CLEC2B: variants seen among roughly 807,000 people sequenced by gnomAD.
CLEC2B encodes the protein C-type lectin domain family 2 member B, also known as C-type (calcium dependent, carbohydrate-recognition domain) lectin, superfamily member 2 (activation-induced).
CLEC2B carries 14 observed loss-of-function variants against 16.2 expected under a neutral mutation model. That is an observed-to-expected ratio of 0.86 (90% CI 0.57 to 1.35). The LOEUF is 1.35. CLEC2B is among the 40% of genes most tolerant of loss of function. CLEC2B has a pLI of 0.00. For synonymous variants in CLEC2B, 42 were observed against 55.8 expected (o/e 0.75, Z 1.10); for missense variants, 166 against 182.3 (o/e 0.91, Z 0.52).
Position 9,853,146 on chromosome 12 carries a change from A to G in CLEC2B, c.*154T>C. On this transcript the variant is annotated 3_prime_UTR_variant, in exon 5 of 5. Transcript: ENST00000228438. ...AGAATACCTGTAACCATTTTTTGCC[A>G]ATCTTTGAAGTGGCTTTTATGTGTA... 1.8e-6 allele frequency: 1 copy of G among 570,656 alleles called. No homozygotes were observed. The highest frequency in any genetic ancestry group is 3.1e-6 in the Non-Finnish European group (1 of 324,046). The allele number at this position is 570,656 out of a possible 1,614,324, so 35.3% of individuals were successfully genotyped here. A position where few individuals can be genotyped will look rare whatever the true frequency, so the allele number is the denominator to read the frequency against.
intron 3 of CLEC2B, among the ~76,000 whole-genome samples, chr12:9,855,223 G>A (rs370289245): frequency 6.6e-6 from 1 of 152,062 alleles, no homozygotes; most frequent in Non-Finnish European, 1.5e-5. Context: ...GAAATATAAA[G>A]GAGGTAGGCC....
intron 4 of CLEC2B, 40 bp downstream of exon 4, chr12:9,854,341 C>T: frequency 1.5e-6 from 2 of 1,338,888 alleles, no homozygotes; most frequent in Non-Finnish European, 2.1e-6. Context: ...GAAGGCTGCA[C>T]TATCTAAATT....
intron 3 of CLEC2B, among the ~76,000 whole-genome samples, chr12:9,855,941 T>C (rs1867891792): frequency 6.6e-6 from 1 of 152,124 alleles, no homozygotes; most frequent in Non-Finnish European, 1.5e-5. Flanking sequence ...ACAGCTTTAC[T>C]TCATTCTGTT....
At chr12:9,858,760 ATCTC>A (rs377123774) in intron 2 of CLEC2B, among the ~76,000 whole-genome samples, 214 of 151,758 alleles carry the variant, frequency 1.4e-3, no homozygotes, top group African/African-American at 4.8e-3. Flanking sequence ...ATGTGTATAT[ATCTC>A]TCTCATGTAC....
chr12:9,867,273 A>G (rs1466929985), intron 1 of CLEC2B: 1 of 152,180 alleles, frequency 6.6e-6, no homozygotes, highest in Non-Finnish European at 1.5e-5. Flanking sequence ...GAAAGTAAGT[A>G]AACTGTCCTG....
In CLEC2B at chr12:9,854,493, A is replaced by G. The variant is rs1867878789; in HGVS notation, c.238-9T>C. The G allele has an allele frequency of 6.3e-7, 1 of 1,582,674 alleles. No homozygotes were observed. Among genetic ancestry groups the G allele is most frequent in the Non-Finnish European group, 8.7e-7 (1 of 1,151,606 alleles). ...TACCGCCTAAGAAAATTCTTTAGAG[A>G]CAAAATTAATTTCAAAATCATACAT... On this transcript the variant is annotated splice_polypyrimidine_tract_variant and intron_variant, in intron 3 of 4. Coordinates refer to ENST00000228438, the MANE Select transcript of CLEC2B (RefSeq NM_005127.3).
chr12:9,856,589 T>A (rs1867895478), intron 3 of CLEC2B, among the ~76,000 whole-genome samples: 1 of 152,112 alleles, frequency 6.6e-6, no homozygotes, highest in African/African-American at 2.4e-5. Context: ...GTAAATAAAC[T>A]TTGTTCACCA....
At chr12:9,863,133 C>T (rs1489257523) in intron 1 of CLEC2B, among the ~76,000 whole-genome samples, 1 of 152,148 alleles carries the variant, frequency 6.6e-6, no homozygotes, top group Admixed American at 6.5e-5. Flanking sequence ...TGGGCTGGAA[C>T]ACCTCGTCAG....
chr12:9,860,594 C>T (rs1197970541), intron 2 of CLEC2B, among the ~76,000 whole-genome samples: 2 of 151,732 alleles, frequency 1.3e-5, no homozygotes, highest in East Asian at 3.8e-4. Flanking sequence ...TTAATGCAAT[C>T]TCAATCAAAA....
At chr12:9,858,644 C>A (rs1164233923) in intron 2 of CLEC2B, among the ~76,000 whole-genome samples, 1 of 151,562 alleles carries the variant, frequency 6.6e-6, no homozygotes, top group African/African-American at 2.4e-5. Context: ...TCATCTGCTG[C>A]CAAGAGTCTA....
At position 9,869,291 on chromosome 12, in the gene CLEC2B, T is replaced by C. The variant is rs1222308231; in HGVS notation, c.-89A>G. 1 of 152,188 alleles carries C rather than the reference T, an allele frequency of 6.6e-6. No homozygotes were observed. The highest frequency in any genetic ancestry group is 2.4e-5 in the African/African-American group (1 of 41,452). 9.4% of individuals were successfully genotyped at this position (152,188 alleles called of 1,614,324 possible). A position where few individuals can be genotyped will look rare whatever the true frequency, so the allele number is the denominator to read the frequency against. ...AACTCTCTTCAAAGTTGTAACTTTA[T>C]TTAACTTTAATATAAAAATGTTACT... On this transcript the variant is annotated 5_prime_UTR_variant, in exon 1 of 5. Transcript: ENST00000228438.
rs1867856206 is a variant in CLEC2B, at chr12:9,852,766, G to T, written c.*534C>A. The stretch of plus-strand genomic sequence containing the variant: ...CACTCTTAAAGCCCCACCCCCCTTT[G>T]TTTTGACAGATTTCAGTTCAGACTG... On this transcript the variant is annotated 3_prime_UTR_variant, in exon 5 of 5. Transcript: ENST00000228438. Among the ~76,000 whole-genome samples, 1 of 151,940 alleles carries T rather than the reference G, an allele frequency of 6.6e-6. No homozygotes were observed. The highest frequency in any genetic ancestry group is 1.5e-5 in the Non-Finnish European group (1 of 67,970).
intron 3 of CLEC2B, 178 bp from the exon 4 acceptor site, chr12:9,854,662 T>A: frequency 5.7e-6 from 3 of 528,598 alleles, no homozygotes; most frequent in Non-Finnish European, 1.0e-5. Context: ...ACCTTCAGTT[T>A]TTTTTGTGAA....
At position 9,853,593 on chromosome 12, in the gene CLEC2B, A is replaced by G. The variant is rs565649535; in HGVS notation, c.342-185T>C. Among the ~76,000 whole-genome samples, 10 of 152,326 alleles carry G rather than the reference A, an allele frequency of 6.6e-5. No homozygotes were observed. The South Asian group carries it at 2.1e-3, about 32-fold the overall frequency. On this transcript the variant is annotated intron_variant, in intron 4 of 4. Coordinates refer to ENST00000228438, the MANE Select transcript of CLEC2B (RefSeq NM_005127.3). ...GAGTTTCTTTTCCAAGAATTTGTACATGTTAAACTGGCATTAGGTTGGTTA... is the reference window on the plus strand; with the variant it reads ...GAGTTTCTTTTCCAAGAATTTGTACGTGTTAAACTGGCATTAGGTTGGTTA...
At chr12:9,858,699 T>G (rs922877968) in intron 2 of CLEC2B, among the ~76,000 whole-genome samples, 3 of 151,906 alleles carry the variant, frequency 2.0e-5, no homozygotes, top group Admixed American at 6.6e-5. Flanking sequence ...TATATATATA[T>G]GTATATAGGT....
chr12:9,857,485 T>C lies in CLEC2B; in HGVS notation c.226A>G (p.Ile76Val). 6.2e-7 allele frequency: 1 copy of C among 1,606,690 alleles called. No homozygotes were observed. The highest frequency in any genetic ancestry group is 8.5e-7 in the Non-Finnish European group (1 of 1,174,440). ...ATTAAATTACTTACCATTTCTTCTA[T>C]GTTGTCAATTATAGTTAGGTCGGCA... ...QHADLTIIDN[I>V]EEMNFLRRYK... is the part of the protein sequence containing the mutation. Residue 76 changes from isoleucine to valine, a missense_variant, in exon 3 of 5, where the codon ATA becomes GTA. Physicochemically the swap from Ile to Val is conservative, Grantham distance 29 (BLOSUM62 3). Coordinates refer to ENST00000228438, the MANE Select transcript of CLEC2B (RefSeq NM_005127.3).
At chr12:9,859,289 C>A (rs1867916321) in intron 2 of CLEC2B, among the ~76,000 whole-genome samples, 1 of 151,726 alleles carries the variant, frequency 6.6e-6, no homozygotes, top group Admixed American at 6.6e-5. Flanking sequence ...ACAAAAAGAA[C>A]AGAAATCAAT....
Position 9,852,598 on chromosome 12 carries a change from G to A in CLEC2B, c.*702C>T, listed in dbSNP as rs1867854410. On this transcript the variant is annotated 3_prime_UTR_variant, in exon 5 of 5. Coordinates refer to ENST00000228438, the MANE Select transcript of CLEC2B (RefSeq NM_005127.3). Reference sequence around the variant, plus strand: ...TGTGCCCTGAGTGCCTTTTTCCCCTGGCCTGTCTACCCTGTTTTAGTTGCA... The same window carrying A: ...TGTGCCCTGAGTGCCTTTTTCCCCTAGCCTGTCTACCCTGTTTTAGTTGCA... Among the ~76,000 whole-genome samples the A allele has an allele frequency of 6.6e-6, 1 of 152,074 alleles. No individual in the cohort carries two copies. Among genetic ancestry groups the A allele is most frequent in the Non-Finnish European group, 1.5e-5 (1 of 68,018 alleles).
At chr12:9,855,717 G>A (rs1867890310) in intron 3 of CLEC2B, among the ~76,000 whole-genome samples, 2 of 151,962 alleles carry the variant, frequency 1.3e-5, no homozygotes, top group Admixed American at 1.3e-4. Context: ...CCTGCTCTAT[G>A]AAAAATGTTA....
Sources: allele counts gnomAD v4.1 joint callset (sites outside exome capture counted in the v4.1 genomes callset), GRCh38; gene constraint gnomAD v4.1.1; transcripts MANE v1.5; gene names NCBI Gene and HGNC (gene_info 2026-07-23, HGNC 2026-07-21).